Variants in TK2 observed in about 807,000 individuals in gnomAD.
TK2 encodes thymidine kinase 2, mitochondrial.
TK2 carries 35 observed loss-of-function variants against 41.9 expected under a neutral mutation model. The ratio of observed to expected loss-of-function variants is 0.84; its 90% CI spans 0.64 to 1.11. The LOEUF is 1.11. TK2 is among the 50% of genes least tolerant of loss of function. The pLI is 0.00. For missense variants in TK2, 320 were observed against 351.1 expected, an observed-to-expected ratio of 0.91 and a Z score of 0.71; for synonymous variants, 128 against 129.1, an observed-to-expected ratio of 0.99 and a Z score of 0.06.
chr16:66,534,610 C>A (rs1236261246), intron 4 of TK2, among the ~76,000 whole-genome samples: 1 of 152,258 alleles, frequency 6.6e-6, no homozygotes, highest in East Asian at 1.9e-4. Context: ...CATCTCAGGG[C>A]CTTTGCCTCT....
At position 66,510,261 on chromosome 16, in the gene TK2, T is replaced by C. The variant is rs1964413816; in HGVS notation, c.*1707A>G. On this transcript the variant is annotated 3_prime_UTR_variant, in exon 10 of 10. Coordinates refer to ENST00000544898, the MANE Select transcript of TK2 (RefSeq NM_004614.5). Reference sequence around the variant, plus strand: ...GAAATCACATTTCCCCAAAAATGGATGTGCAAAATGAGCCGAGAGGAAATA... The same window carrying C: ...GAAATCACATTTCCCCAAAAATGGACGTGCAAAATGAGCCGAGAGGAAATA... 6.7e-6 allele frequency: 1 copy of C among 148,758 alleles called. No homozygotes were observed. Among genetic ancestry groups the C allele is most frequent in the South Asian group, 2.1e-4 (1 of 4,664 alleles). The allele number at this position is 148,758 out of a possible 1,614,324, so 9.2% of individuals were successfully genotyped here.
At chr16:66,545,451 AGCCAC>A (rs1176742148) in intron 2 of TK2, among the ~76,000 whole-genome samples, 5 of 152,242 alleles carry the variant, frequency 3.3e-5, no homozygotes, top group Non-Finnish European at 5.9e-5. Context: ...AGTGCACTAC[AGCCAC>A]GCCATGAATA....
chr16:66,533,064 T>C (rs1241656321), intron 4 of TK2, among the ~76,000 whole-genome samples: 1 of 116,324 alleles, frequency 8.6e-6, no homozygotes, highest in Non-Finnish European at 1.7e-5. Flanking sequence ...ACCTGTCTTT[T>C]TGATAAAAAT....
chr16:66,546,406 CATTTA>C (rs1965608306), intron 2 of TK2, among the ~76,000 whole-genome samples: 1 of 152,166 alleles, frequency 6.6e-6, no homozygotes, highest in South Asian at 2.1e-4. Context: ...AGCTGAATTT[CATTTA>C]ACATTCAAAT....
chr16:66,518,633 A>G (rs1964686499), intron 6 of TK2, among the ~76,000 whole-genome samples: 1 of 152,258 alleles, frequency 6.6e-6, no homozygotes, highest in African/African-American at 2.4e-5. Flanking sequence ...ATATAACAGA[A>G]AATTCACGCA....
chr16:66,541,917 T>A lies in TK2; in HGVS notation c.193A>T (p.Thr65Ser). ...GCGTTGGAGAAGAATTCCAGGCATG[T>A]CGTCTTCCCACTTGCAATATTGCCC... Reference protein sequence around the residue: ...VEGNIASGKTTCLEFFSNATD... With the variant: ...VEGNIASGKTSCLEFFSNATD... The change falls in exon 3 of 10, where the codon ACA (threonine) becomes TCA (serine). Residue 65 changes from threonine to serine, a missense_variant. Coordinates refer to ENST00000544898, the MANE Select transcript of TK2 (RefSeq NM_004614.5). 1 of 1,614,120 alleles carries A rather than the reference T, an allele frequency of 6.2e-7. No homozygotes were observed. The highest frequency in any genetic ancestry group is 8.5e-7 in the Non-Finnish European group (1 of 1,180,006).
intron 9 of TK2, among the ~76,000 whole-genome samples, chr16:66,512,727 G>A (rs547343157): frequency 5.0e-4 from 76 of 152,334 alleles, no homozygotes; most frequent in Non-Finnish European, 8.2e-4. Flanking sequence ...AGGTTGCAGC[G>A]AGCCGAGATT....
intron 9 of TK2, 114 bp downstream of exon 9, chr16:66,513,616 TA>T: frequency 1.1e-6 from 1 of 944,954 alleles, no homozygotes; most frequent in Non-Finnish European, 1.7e-6. Context: ...TTCCTTCTTC[TA>T]AGTTGTCAAA....
At chr16:66,542,789 T>A (rs936880060) in intron 2 of TK2, among the ~76,000 whole-genome samples, 1 of 152,218 alleles carries the variant, frequency 6.6e-6, no homozygotes, top group Non-Finnish European at 1.5e-5. Context: ...TAGGACCACC[T>A]GGGACCTTTT....
intron 6 of TK2, among the ~76,000 whole-genome samples, chr16:66,528,224 T>C (rs1435526582): frequency 1.3e-5 from 2 of 152,070 alleles, no homozygotes; most frequent in African/African-American, 4.8e-5. Context: ...TATCCCAAGC[T>C]CGCGGCAGGG....
chr16:66,517,988 C>T lies in TK2; in HGVS notation c.450-111G>A, dbSNP rs1964667239. 1 of 876,150 alleles carries T rather than the reference C, an allele frequency of 1.1e-6. No individual in the cohort carries two copies. Among genetic ancestry groups the T allele is most frequent in the Admixed American group, 1.8e-5 (1 of 56,750 alleles). The allele number at this position is 876,150 out of a possible 1,614,324, so 54.3% of individuals were successfully genotyped here. On this transcript the variant is annotated intron_variant, in intron 6 of 9. Coordinates refer to ENST00000544898, the MANE Select transcript of TK2 (RefSeq NM_004614.5). This position sits in a 1 kb window ranked among gnomAD's most constrained non-coding sequence, Gnocchi z 4.3. ...TCAATGAAAGGAGTCACCAAGGGTA[C>T]CAGGGCACAGTGTGATCCGTGCAAT...
chr16:66,523,001 G>T (rs1347740071), intron 6 of TK2, among the ~76,000 whole-genome samples: 1 of 152,180 alleles, frequency 6.6e-6, no homozygotes, highest in Non-Finnish European at 1.5e-5. Flanking sequence ...CCTCGCCAGG[G>T]TAGACAGTGC....
chr16:66,536,024 TA>T (rs987829094), intron 4 of TK2, among the ~76,000 whole-genome samples: 1 of 151,960 alleles, frequency 6.6e-6, no homozygotes. Flanking sequence ...GCCAACATGG[TA>T]AAACCCTGTC....
chr16:66,514,354 C>G lies in TK2; in HGVS notation c.619-543G>C, dbSNP rs1402524751. ...CGGGCTGGTCTCCAGCTCCTAACCG[C>G]GAGTGATCCGCCAGCCTCGGCCTCC... On this transcript the variant is annotated intron_variant, in intron 8 of 9. Transcript: ENST00000544898. The surrounding 1 kb of genome is among the most constrained non-coding windows in gnomAD (Gnocchi z 4.2). 2.0e-5 allele frequency among the ~76,000 whole-genome samples: 3 copies of G among 152,240 alleles called. No individual in the cohort carries two copies. Among genetic ancestry groups the G allele is most frequent in the African/African-American group, 7.2e-5 (3 of 41,466 alleles).
chr16:66,528,475 T>A (rs1249450551), intron 6 of TK2, among the ~76,000 whole-genome samples: 1 of 152,222 alleles, frequency 6.6e-6, no homozygotes, highest in African/African-American at 2.4e-5. Flanking sequence ...CCTTGTACCA[T>A]GCTGTGTAAC....
rs770829317 is a variant in TK2, at chr16:66,517,077, C to A, written c.618+59G>T. The A allele has an allele frequency of 6.7e-7, 1 of 1,485,354 alleles. No individual in the cohort carries two copies. The highest frequency in any genetic ancestry group is 9.4e-7 in the Non-Finnish European group (1 of 1,062,822). 92.0% of individuals were successfully genotyped at this position (1,485,354 alleles called of 1,614,324 possible). A position where few individuals can be genotyped will look rare whatever the true frequency, so the allele number is the denominator to read the frequency against. Reference sequence around the variant, plus strand: ...TGGGGGTGGGGCCGGGAGAGGAAGCCGGGTTGGACAGAGGTGGTTTCCCAG... The same window carrying A: ...TGGGGGTGGGGCCGGGAGAGGAAGCAGGGTTGGACAGAGGTGGTTTCCCAG... On this transcript the variant is annotated intron_variant, in intron 8 of 9. Coordinates refer to ENST00000544898, the MANE Select transcript of TK2 (RefSeq NM_004614.5). This position sits in a 1 kb window ranked among gnomAD's most constrained non-coding sequence, Gnocchi z 4.3.
intron 6 of TK2, among the ~76,000 whole-genome samples, chr16:66,526,788 A>C (rs1051824679): frequency 6.6e-6 from 1 of 152,186 alleles, no homozygotes; most frequent in Admixed American, 6.5e-5. Context: ...CTGACCCCAC[A>C]CAGAACAGGC....
Position 66,539,407 on chromosome 16 carries a change from T to A in TK2, c.232-2390A>T, listed in dbSNP as rs554896365. Among the ~76,000 whole-genome samples the A allele has an allele frequency of 3.9e-4, 59 of 152,076 alleles. 1 individual carries two copies. The highest frequency in any genetic ancestry group is 8.5e-4 in the Admixed American group (13 of 15,274). On this transcript the variant is annotated intron_variant, in intron 3 of 9. Transcript: ENST00000544898. ...TGAGGTCAGGAGTTTGAAACCAGCC[T>A]GGCCAACATGGTGAAACCCCATCTC...
rs1567544145 is a variant in TK2 at position 66,549,975 on chromosome 16, G to A, written c.87C>T (p.Pro29=). ...CCCGGCGCTGCACCCTCCGCGGCCC[G>A]GGGCCTGAGGCCGGGCTCCCGCGAC... The part of the protein sequence containing the change: ...PGSRGSPASG[P]GPRRVQRRAW... The change falls in exon 1 of 10, where the codon CCC becomes CCT. Residue 29 remains proline (P), a synonymous_variant. Coordinates refer to ENST00000544898, the MANE Select transcript of TK2 (RefSeq NM_004614.5). 2.7e-6 allele frequency: 4 copies of A among 1,488,128 alleles called. No homozygotes were observed. The highest frequency in any genetic ancestry group is 3.5e-6 in the Non-Finnish European group (4 of 1,128,140). 92.2% of individuals were successfully genotyped at this position (1,488,128 alleles called of 1,614,324 possible).
Sources: gnomAD v4.1 joint callset for allele counts (sites outside exome capture counted in the v4.1 genomes callset) on GRCh38, gnomAD v4.1.1 for gene constraint, Gnocchi (gnomAD v3.1) non-coding constraint, MANE v1.5 for transcripts, NCBI Gene and HGNC (gene_info 2026-07-23, HGNC 2026-07-21) for gene names.